Variants in DPP6 observed in about 807,000 individuals in gnomAD.
DPP6 encodes the protein A-type potassium channel modulatory protein DPP6.
A neutral mutation model predicts 122.6 loss-of-function variants in DPP6; 69 were observed. That is an observed-to-expected ratio of 0.56 (90% CI 0.46 to 0.69). DPP6 has a LOEUF of 0.69. DPP6 is among the 30% of genes least tolerant of loss of function. The pLI is 0.00. For synonymous variants in DPP6, 418 were observed against 433.1 expected (o/e 0.97, Z 0.43); for missense variants, 928 against 1,116.9 (o/e 0.83, Z 2.41).
chr7:154,607,985 T>C (rs1023580632), intron 5 of DPP6, among the ~76,000 whole-genome samples: 1 of 115,722 alleles, frequency 8.6e-6, no homozygotes, highest in African/African-American at 2.7e-5. Flanking sequence ...CTTTTTTTTT[T>C]CTTTTTTTTT....
chr7:154,539,593 G>C (rs1828550525), intron 3 of DPP6, among the ~76,000 whole-genome samples: 1 of 150,966 alleles, frequency 6.6e-6, no homozygotes, highest in Non-Finnish European at 1.5e-5. Flanking sequence ...TAACAAACCT[G>C]CATGTTGTGC....
At chr7:154,417,466 A>C in intron 1 of DPP6, among the ~76,000 whole-genome samples, 1 of 152,268 alleles carries the variant, frequency 6.6e-6, no homozygotes, top group African/African-American at 2.4e-5. Context: ...CATTCCCGTA[A>C]GCCCCAGCCT....
chr7:153,902,154 C>T (rs1341614130), intron 1 of DPP6, among the ~76,000 whole-genome samples: 1 of 152,174 alleles, frequency 6.6e-6, no homozygotes, highest in Non-Finnish European at 1.5e-5. Flanking sequence ...TAAAAGATCA[C>T]AAAGACAGAA....
intron 4 of DPP6, among the ~76,000 whole-genome samples, chr7:154,553,541 C>A (rs907216913): frequency 6.6e-6 from 1 of 152,272 alleles, no homozygotes; most frequent in Non-Finnish European, 1.5e-5. Flanking sequence ...TCCTTAGGAA[C>A]TCTGTGAGCT....
intron 1 of DPP6, chr7:154,095,354 C>G (rs1308795685): frequency 7.0e-6 from 1 of 142,388 alleles, no homozygotes; most frequent in Non-Finnish European, 1.6e-5. Context: ...CACCCACTAC[C>G]GTAACTGTGA....
Position 154,656,379 on chromosome 7 carries a change from TGGGAGAAGG to T in DPP6, c.681-12978_681-12970del, listed in dbSNP as rs1470790554. On this transcript the variant is annotated intron_variant, in intron 6 of 25. Transcript: ENST00000377770. ...GTCGAGAGGGAGGTGGGGGGAGAGC[TGGGAGAAGG>T]GGCAGTCGAGAGGGAGGTCGGGGGA... is the stretch of plus-strand genomic sequence containing the variant. Among the ~76,000 whole-genome samples the T allele has an allele frequency of 4.5e-3, 56 of 12,382 alleles. 3 individuals carry two copies. Among genetic ancestry groups the T allele is most frequent in the African/African-American group, 0.016 (54 of 3,466 alleles). 8.1% of individuals were successfully genotyped at this position (12,382 alleles called of 152,430 possible). A position where few individuals can be genotyped will look rare whatever the true frequency, so the allele number is the denominator to read the frequency against.
intron 1 of DPP6, among the ~76,000 whole-genome samples, chr7:154,185,423 G>A (rs949909893): frequency 2.6e-5 from 4 of 152,064 alleles, no homozygotes; most frequent in Non-Finnish European, 4.4e-5. Context: ...TGTCCACGCT[G>A]GGTATCAATA....
At chr7:153,883,668 C>T (rs552959427), upstream of DPP6, among the ~76,000 whole-genome samples, 1 of 152,364 alleles carries the variant, frequency 6.6e-6, no homozygotes, top group African/African-American at 2.4e-5. Flanking sequence ...GCGTGAGCCA[C>T]CGCACCTGGA....
chr7:154,755,371 G>A lies in DPP6; in HGVS notation c.884-14046G>A, dbSNP rs1041396387. On this transcript the variant is annotated intron_variant, in intron 8 of 25. Transcript: ENST00000377770. This position sits in a 1 kb window ranked among gnomAD's most constrained non-coding sequence, Gnocchi z 4.7. ...ACACTGGGGTTGTCATGGGAGACAGGTGAGGAGACTGGAGACAGGCAGGTG... is the reference window on the plus strand; with the variant it reads ...ACACTGGGGTTGTCATGGGAGACAGATGAGGAGACTGGAGACAGGCAGGTG... Among the ~76,000 whole-genome samples, 3 of 152,168 alleles carry A rather than the reference G, an allele frequency of 2.0e-5. No homozygotes were observed. The highest frequency in any genetic ancestry group is 1.3e-4 in the Admixed American group (2 of 15,284).
At chr7:154,124,580 A>G (rs573690228) in intron 1 of DPP6, among the ~76,000 whole-genome samples, 24 of 152,276 alleles carry the variant, frequency 1.6e-4, no homozygotes, top group Non-Finnish European at 2.8e-4. Context: ...GATAGAAAGC[A>G]GTAAATGGTT....
chr7:154,393,945 A>C (rs1344710514), intron 1 of DPP6, among the ~76,000 whole-genome samples: 1 of 152,184 alleles, frequency 6.6e-6, no homozygotes, highest in African/African-American at 2.4e-5. Context: ...TAAGTCCTCA[A>C]GGTGCCTCCA....
intron 21 of DPP6, chr7:154,885,390 C>CA: frequency 2.0e-6 from 1 of 501,206 alleles, no homozygotes. Context: ...ATTTCATCCT[C>CA]ACGTCCCTTG....
chr7:154,158,282 C>T (rs1227531556), intron 1 of DPP6, among the ~76,000 whole-genome samples: 1 of 151,370 alleles, frequency 6.6e-6, no homozygotes, highest in Admixed American at 6.6e-5. Flanking sequence ...ATGTTCTTTT[C>T]TCAGAGTTCA....
At position 154,179,382 on chromosome 7, in the gene DPP6, G is replaced by A. The variant is rs138023713; in HGVS notation, c.243+126319G>A. Among the ~76,000 whole-genome samples, 322 of 152,258 alleles carry A rather than the reference G, an allele frequency of 2.1e-3. 5 individuals are homozygous for A. Among genetic ancestry groups the A allele is most frequent in the African/African-American group, 7.5e-3 (312 of 41,542 alleles). Reference sequence around the variant, plus strand: ...GAATGGAGACTGAAGGGTATTTAACGGGCCATTGGCATCAAATTAGAAAGT... The same window carrying A: ...GAATGGAGACTGAAGGGTATTTAACAGGCCATTGGCATCAAATTAGAAAGT... On this transcript the variant is annotated intron_variant, in intron 1 of 25. Coordinates refer to ENST00000377770, the MANE Select transcript of DPP6 (RefSeq NM_130797.4).
chr7:154,385,923 TA>T (rs1814066322), intron 1 of DPP6, among the ~76,000 whole-genome samples: 2 of 152,180 alleles, frequency 1.3e-5, no homozygotes, highest in Non-Finnish European at 2.9e-5. Context: ...TGCTTTCCTG[TA>T]AAAAGCAAGA....
chr7:154,811,261 A>G (rs949307052), intron 16 of DPP6, among the ~76,000 whole-genome samples: 1 of 152,258 alleles, frequency 6.6e-6, no homozygotes, highest in Non-Finnish European at 1.5e-5. Flanking sequence ...ATGGGGAGAC[A>G]GGAGCAGCCA....
chr7:154,892,306 G>C (rs1351352825), intron 25 of DPP6, 28 bp from the exon 26 acceptor site: 40 of 1,613,878 alleles, frequency 2.5e-5, no homozygotes, highest in Non-Finnish European at 3.4e-5. Flanking sequence ...ATACCTGGGA[G>C]AGTAATTTCT....
chr7:154,520,334 C>G (rs1047579831), intron 3 of DPP6, among the ~76,000 whole-genome samples: 1 of 152,260 alleles, frequency 6.6e-6, no homozygotes, highest in Non-Finnish European at 1.5e-5. Context: ...AATGGCTGCT[C>G]TAGCTCCAGC....
At chr7:153,917,567 C>G (rs993980104) in intron 1 of DPP6, among the ~76,000 whole-genome samples, 4 of 152,162 alleles carry the variant, frequency 2.6e-5, no homozygotes, top group African/African-American at 9.7e-5. Context: ...CCACATTTCT[C>G]TCTCTTACAG....
Sources: gnomAD v4.1 joint callset for allele counts (sites outside exome capture counted in the v4.1 genomes callset) on GRCh38, gnomAD v4.1.1 for gene constraint, Gnocchi (gnomAD v3.1) non-coding constraint, MANE v1.5 for transcripts, NCBI Gene and HGNC (gene_info 2026-07-23, HGNC 2026-07-21) for gene names.